The following PTN variants were observed in gnomAD, a reference collection of about 807,000 sequenced individuals.
PTN encodes the protein heparin affin regulatory protein.
Under a neutral mutation model 24.1 loss-of-function variants are expected in PTN, and 18 were observed. The ratio of observed to expected loss-of-function variants is 0.75; its 90% CI spans 0.52 to 1.11. PTN has a LOEUF of 1.11. Among genes scored for constraint, PTN ranks in the 50% least tolerant of loss-of-function variants. PTN has a pLI of 0.00. For missense variants in PTN, 163 were observed against 198.8 expected, an observed-to-expected ratio of 0.82 and a Z score of 1.08; for synonymous variants, 78 against 68.6, an observed-to-expected ratio of 1.14 and a Z score of -0.67.
At chr7:137,300,509 G>C (rs776528694) in intron 1 of PTN, among the ~76,000 whole-genome samples, 2 of 151,938 alleles carry the variant, frequency 1.3e-5, no homozygotes. Flanking sequence ...ATTGTGGAAA[G>C]AGACAGGAGC....
chr7:137,292,633 G>A (rs952049536), intron 1 of PTN, among the ~76,000 whole-genome samples: 8 of 152,114 alleles, frequency 5.3e-5, no homozygotes, highest in Non-Finnish European at 1.0e-4. Context: ...AGCAGCATGA[G>A]AACAGACTAA....
intron 4 of PTN, among the ~76,000 whole-genome samples, chr7:137,232,038 C>G (rs998697207): frequency 6.6e-6 from 1 of 151,912 alleles, no homozygotes; most frequent in African/African-American, 2.4e-5. Context: ...GTTCTGAGAG[C>G]CAATAGGATT....
intron 4 of PTN, chr7:137,236,359 T>C (rs552032605): frequency 2.5e-5 from 17 of 681,900 alleles, no homozygotes; most frequent in African/African-American, 8.8e-5. Flanking sequence ...CATGAGCGTG[T>C]TGGGATCAGT....
At position 137,300,161 on chromosome 7, in the gene PTN, AAATTCAC is replaced by A. The variant is rs1809784417; in HGVS notation, c.-2+43271_-2+43277del. On this transcript the variant is annotated intron_variant, in intron 1 of 4. Coordinates refer to ENST00000348225, the MANE Select transcript of PTN (RefSeq NM_002825.7). ...TGGATAGAACATTGATATTACATTA[AAATTCAC>A]AATTTAAACATTTTTATATCTTTTA... is the stretch of plus-strand genomic sequence containing the variant. Among the ~76,000 whole-genome samples, 4 of 151,886 alleles carry A rather than the reference AAATTCAC, an allele frequency of 2.6e-5. No individual in the cohort carries two copies. The South Asian group carries it at 8.3e-4, about 31-fold the overall frequency.
At chr7:137,276,828 C>G (rs1809368087) in intron 1 of PTN, among the ~76,000 whole-genome samples, 1 of 152,078 alleles carries the variant, frequency 6.6e-6, no homozygotes, top group Admixed American at 6.5e-5. Context: ...AATATTTACT[C>G]AGTAAAGTTT....
chr7:137,258,361 C>T (rs1808972650), intron 1 of PTN, among the ~76,000 whole-genome samples: 1 of 152,106 alleles, frequency 6.6e-6, no homozygotes, highest in Admixed American at 6.6e-5. Context: ...TGGTGGATTT[C>T]AGCACTTAAA....
At chr7:137,289,047 G>T (rs749737241) in intron 1 of PTN, among the ~76,000 whole-genome samples, 1 of 152,036 alleles carries the variant, frequency 6.6e-6, no homozygotes, top group Non-Finnish European at 1.5e-5. Flanking sequence ...TTTAATCATC[G>T]CAATCACCTT....
chr7:137,335,087 A>C (rs1422187380), intron 1 of PTN, among the ~76,000 whole-genome samples: 1 of 148,382 alleles, frequency 6.7e-6, no homozygotes, highest in Non-Finnish European at 1.5e-5. Context: ...AGATATACCT[A>C]ATGCTAAATG....
chr7:137,235,288 C>T (rs1311904311), intron 4 of PTN, among the ~76,000 whole-genome samples: 1 of 152,084 alleles, frequency 6.6e-6, no homozygotes, highest in African/African-American at 2.4e-5. Flanking sequence ...CTAGAACTAC[C>T]TAATCCCTCG....
intron 1 of PTN, among the ~76,000 whole-genome samples, chr7:137,323,308 T>C (rs2128881552): frequency 6.6e-6 from 1 of 152,326 alleles, no homozygotes; most frequent in Non-Finnish European, 1.5e-5. Context: ...TATGTCGTGA[T>C]TTGTAGATTG....
chr7:137,232,257 GGT>G (rs1455275582), intron 4 of PTN, among the ~76,000 whole-genome samples: 3 of 151,962 alleles, frequency 2.0e-5, no homozygotes, highest in Non-Finnish European at 1.5e-5. Flanking sequence ...CTGCCTGAAA[GGT>G]GACTTGTTCT....
intron 1 of PTN, among the ~76,000 whole-genome samples, chr7:137,296,678 C>T (rs966834190): frequency 2.6e-5 from 4 of 152,094 alleles, no homozygotes; most frequent in African/African-American, 4.8e-5. Flanking sequence ...TGATTTCACA[C>T]TGCATAAGTT....
chr7:137,260,796 C>T (rs1585017460), intron 1 of PTN, among the ~76,000 whole-genome samples: 1 of 152,158 alleles, frequency 6.6e-6, no homozygotes. Context: ...CCAGGAGCTA[C>T]AAAATATTTG....
chr7:137,333,552 T>C (rs551746309), intron 1 of PTN, among the ~76,000 whole-genome samples: 71 of 152,216 alleles, frequency 4.7e-4, no homozygotes, highest in Non-Finnish European at 9.3e-4. Flanking sequence ...AGTTCCATTA[T>C]GGTATGGAAG....
chr7:137,232,596 G>T (rs879706983), intron 4 of PTN, among the ~76,000 whole-genome samples: 4 of 151,982 alleles, frequency 2.6e-5, no homozygotes, highest in African/African-American at 4.8e-5. Context: ...AAAGGGCCAT[G>T]TTCACCATAT....
At chr7:137,253,272 T>C (rs1042506371) in intron 3 of PTN, among the ~76,000 whole-genome samples, 192 bp downstream of exon 3, 4 of 152,132 alleles carry the variant, frequency 2.6e-5, no homozygotes, top group Non-Finnish European at 5.9e-5. Context: ...TGCTCCTAAA[T>C]ACCCTAAAAT....
At chr7:137,327,888 T>A (rs1810288563) in intron 1 of PTN, among the ~76,000 whole-genome samples, 1 of 152,174 alleles carries the variant, frequency 6.6e-6, no homozygotes, top group Non-Finnish European at 1.5e-5. Context: ...TAAAAATCCT[T>A]GACAACTGAA....
intron 1 of PTN, among the ~76,000 whole-genome samples, chr7:137,272,322 C>T (rs757081996): frequency 1.3e-5 from 2 of 152,126 alleles, no homozygotes; most frequent in African/African-American, 2.4e-5. Context: ...TTATTTAAAC[C>T]CAGAAACATT....
In PTN at chr7:137,227,667, GAGA is replaced by G. The variant is rs987553017; in HGVS notation, c.*350_*352del. ...CTAGGTGAAAAAAATTACCTAACAA[GAGA>G]AGTAGTTTACATAGTCATAACATTT... is the stretch of plus-strand genomic sequence containing the variant. On this transcript the variant is annotated 3_prime_UTR_variant, in exon 5 of 5. Transcript: ENST00000348225. The G allele has an allele frequency of 1.2e-5, 2 of 168,420 alleles. No individual in the cohort carries two copies. Among genetic ancestry groups the G allele is most frequent in the Non-Finnish European group, 1.3e-5 (1 of 79,074 alleles). 10.4% of individuals were successfully genotyped at this position (168,420 alleles called of 1,614,324 possible).
Sources: gnomAD v4.1 joint callset for allele counts (sites outside exome capture counted in the v4.1 genomes callset) on GRCh38, gnomAD v4.1.1 for gene constraint, MANE v1.5 for transcripts, NCBI Gene and HGNC (gene_info 2026-07-23, HGNC 2026-07-21) for gene names.